The following ADAMTSL1 variants were observed in gnomAD, a reference collection of about 807,000 sequenced individuals.
The protein encoded by ADAMTSL1 is ADAMTS-like protein 1.
Under a neutral mutation model 201.8 loss-of-function variants are expected in ADAMTSL1, and 126 were observed. The observed-to-expected ratio is 0.62, with a 90% confidence interval of 0.54 to 0.72. ADAMTSL1 has a LOEUF of 0.72. ADAMTSL1 is among the 30% of genes least tolerant of loss of function. The pLI is 0.00. For missense variants in ADAMTSL1, 2,679 were observed against 2,277.8 expected, an observed-to-expected ratio of 1.18 and a Z score of -3.59; for synonymous variants, 1,121 against 903.4, an observed-to-expected ratio of 1.24 and a Z score of -4.32.
intron 2 of ADAMTSL1, among the ~76,000 whole-genome samples, chr9:18,188,602 A>C (rs927470642): frequency 1.3e-5 from 2 of 152,154 alleles, no homozygotes; most frequent in African/African-American, 4.8e-5. Context: ...TAGTGCAATA[A>C]TTAGAGCTGC....
chr9:18,153,931 C>T (rs1827033163), intron 1 of ADAMTSL1, among the ~76,000 whole-genome samples: 1 of 151,944 alleles, frequency 6.6e-6, no homozygotes, highest in Non-Finnish European at 1.5e-5. Context: ...ATGTTTTCTA[C>T]CCTAAAGGCA....
At chr9:18,778,160 C>T (rs1563793710) in intron 19 of ADAMTSL1, among the ~76,000 whole-genome samples, 1 of 152,190 alleles carries the variant, frequency 6.6e-6, no homozygotes, top group Admixed American at 6.5e-5. Flanking sequence ...CACTCCTATC[C>T]CTGTAGGATC....
At chr9:18,305,239 C>G (rs534273645) in intron 2 of ADAMTSL1, among the ~76,000 whole-genome samples, 1 of 152,234 alleles carries the variant, frequency 6.6e-6, no homozygotes. Flanking sequence ...TGGCTGCCTA[C>G]GCCACCAGGG....
At chr9:17,947,312 T>TAC (rs34840423) in intron 1 of ADAMTSL1, among the ~76,000 whole-genome samples, 61,563 of 143,070 alleles carry the variant, frequency 0.43, 13,269 homozygotes, top group South Asian at 0.48. Context: ...TATACACACA[T>TAC]ACACACACAC....
intron 2 of ADAMTSL1, among the ~76,000 whole-genome samples, chr9:18,286,228 A>T (rs750027534): frequency 9.6e-4 from 146 of 152,210 alleles, no homozygotes; most frequent in Non-Finnish European, 1.4e-3. Flanking sequence ...TGGTCTATAT[A>T]TCTAAAAACA....
intron 23 of ADAMTSL1, among the ~76,000 whole-genome samples, chr9:18,858,860 A>T (rs1288276353): frequency 6.6e-6 from 1 of 152,206 alleles, no homozygotes; most frequent in Admixed American, 6.5e-5. Context: ...GGAACTCCAT[A>T]AGCCCTCTAA....
At chr9:18,698,687 G>A (rs1460681698) in intron 13 of ADAMTSL1, among the ~76,000 whole-genome samples, 1 of 152,182 alleles carries the variant, frequency 6.6e-6, no homozygotes, top group Non-Finnish European at 1.5e-5. Context: ...AGAGAGTTTG[G>A]TGTCATGTAA....
intron 2 of ADAMTSL1, among the ~76,000 whole-genome samples, chr9:18,527,763 A>T (rs1209862973): frequency 6.6e-6 from 1 of 152,188 alleles, no homozygotes; most frequent in Non-Finnish European, 1.5e-5. Context: ...GATTGAGATT[A>T]TTTCTATTTT....
chr9:18,852,961 C>T (rs1826593157), intron 23 of ADAMTSL1, among the ~76,000 whole-genome samples: 1 of 152,166 alleles, frequency 6.6e-6, no homozygotes, highest in Non-Finnish European at 1.5e-5. Context: ...GATTCTGGAC[C>T]ACTTGTGAAG....
intron 1 of ADAMTSL1, among the ~76,000 whole-genome samples, chr9:18,074,288 AG>A (rs2131743388): frequency 6.6e-6 from 1 of 152,292 alleles, no homozygotes; most frequent in South Asian, 2.1e-4. Context: ...CAATGCAGGA[AG>A]CACCATCCAG....
At chr9:18,295,973 T>A (rs918504371) in intron 2 of ADAMTSL1, among the ~76,000 whole-genome samples, 22 of 152,210 alleles carry the variant, frequency 1.4e-4, no homozygotes, top group Admixed American at 1.3e-3. Context: ...TATAACCTAG[T>A]ATTATGTGCC....
At chr9:18,143,503 GT>G (rs35152809) in intron 1 of ADAMTSL1, among the ~76,000 whole-genome samples, 5 of 151,464 alleles carry the variant, frequency 3.3e-5, no homozygotes, top group African/African-American at 1.2e-4. Context: ...GTGCTTTTGT[GT>G]TTTTTTTAAA....
chr9:18,348,304 G>A (rs759915104), intron 2 of ADAMTSL1, among the ~76,000 whole-genome samples: 5 of 152,142 alleles, frequency 3.3e-5, no homozygotes, highest in Non-Finnish European at 7.4e-5. Flanking sequence ...GTTAGGGCCA[G>A]CACACAGAAT....
In ADAMTSL1 at chr9:18,906,871, C is replaced by T. The variant is rs1233962296; in HGVS notation, c.5141C>T (p.Pro1714Leu). The T allele has an allele frequency of 6.2e-7, 1 of 1,613,898 alleles. No homozygotes were observed. Among genetic ancestry groups the T allele is most frequent in the East Asian group, 2.2e-5 (1 of 44,884 alleles). The change falls in exon 28 of 29, where the codon CCT (proline) becomes CTT (leucine). Residue 1714 changes from proline to leucine, a missense_variant. By Grantham distance (98) the Pro-to-Leu change is moderately conservative (BLOSUM62 -3). Transcript: ENST00000380548. ...PEHLCSWGPR[P>L]ANWQRCNITP... The stretch of plus-strand genomic sequence containing the variant: ...CACCTGTGCTCCTGGGGGCCCCGGC[C>T]TGCCAACTGGCAGCGCTGCAACATC...
At chr9:18,118,218 C>G (rs192702622) in intron 1 of ADAMTSL1, among the ~76,000 whole-genome samples, 1 of 152,190 alleles carries the variant, frequency 6.6e-6, no homozygotes, top group Non-Finnish European at 1.5e-5. Context: ...GAAAGACGGA[C>G]AACAATTCTG....
chr9:18,179,931 G>T (rs1443938075), intron 2 of ADAMTSL1, among the ~76,000 whole-genome samples: 2 of 152,006 alleles, frequency 1.3e-5, no homozygotes, highest in African/African-American at 4.8e-5. Context: ...ATGCCAAATT[G>T]TAAAGACCAT....
intron 23 of ADAMTSL1, among the ~76,000 whole-genome samples, chr9:18,848,873 A>G (rs1460293747): frequency 1.3e-5 from 2 of 152,238 alleles, no homozygotes; most frequent in African/African-American, 4.8e-5. Context: ...ACAGGACTGG[A>G]TTTTGCACTC....
At chr9:18,127,992 A>G (rs566605882) in intron 1 of ADAMTSL1, among the ~76,000 whole-genome samples, 1 of 152,280 alleles carries the variant, frequency 6.6e-6, no homozygotes, top group South Asian at 2.1e-4. Flanking sequence ...GTGGTTGATA[A>G]TTTTAGATGC....
intron 2 of ADAMTSL1, among the ~76,000 whole-genome samples, chr9:18,398,546 A>C (rs1446630536): frequency 6.6e-6 from 1 of 152,194 alleles, no homozygotes; most frequent in Non-Finnish European, 1.5e-5. Flanking sequence ...AGGCCCTGGG[A>C]TAAGGAGATT....
Sources: allele counts gnomAD v4.1 joint callset (sites outside exome capture counted in the v4.1 genomes callset), GRCh38; gene constraint gnomAD v4.1.1; transcripts MANE v1.5; gene names NCBI Gene and HGNC (gene_info 2026-07-23, HGNC 2026-07-21).